The following TDRD9 variants were observed in gnomAD, a reference collection of about 807,000 sequenced individuals.
TDRD9 encodes the protein ATP-dependent RNA helicase TDRD9.
TDRD9 carries 124 observed loss-of-function variants against 172.6 expected under a neutral mutation model. That is an observed-to-expected ratio of 0.72 (90% CI 0.62 to 0.83). The LOEUF (loss-of-function observed/expected upper bound fraction) is 0.83, where lower values mean the gene tolerates loss of function less well. TDRD9 is among the 40% of genes least tolerant of loss of function. The pLI is 0.00. For synonymous variants in TDRD9, 619 were observed against 617.1 expected (o/e 1.00, Z -0.05); for missense variants, 1,479 against 1,714.1 (o/e 0.86, Z 2.42).
At chr14:104,021,688 A>T (rs1239233291) in intron 23 of TDRD9, among the ~76,000 whole-genome samples, 2 of 152,162 alleles carry the variant, frequency 1.3e-5, no homozygotes, top group African/African-American at 4.8e-5. Flanking sequence ...CCATCTCAAA[A>T]AAATAAATAA....
At chr14:103,964,682 G>A (rs940148432) in intron 3 of TDRD9, among the ~76,000 whole-genome samples, 1 of 152,076 alleles carries the variant, frequency 6.6e-6, no homozygotes, top group Non-Finnish European at 1.5e-5. Context: ...GCGCTACCAT[G>A]CCCAGCTAAT....
intron 30 of TDRD9, among the ~76,000 whole-genome samples, chr14:104,032,616 A>C (rs1349112919): frequency 6.6e-6 from 1 of 152,236 alleles, no homozygotes; most frequent in Non-Finnish European, 1.5e-5. Flanking sequence ...AGTATCTTTT[A>C]TCAAAGACTA....
At chr14:104,047,345 C>A (rs1566807984) in intron 34 of TDRD9, among the ~76,000 whole-genome samples, 1 of 151,954 alleles carries the variant, frequency 6.6e-6, no homozygotes, top group South Asian at 2.1e-4. Context: ...CCTTGTTAAA[C>A]TTCTGTATTC....
chr14:104,002,737 T>C (rs201364760), intron 13 of TDRD9, among the ~76,000 whole-genome samples: 13 of 91,618 alleles, frequency 1.4e-4, no homozygotes, highest in South Asian at 6.5e-4. Context: ...CTTTTCTTTT[T>C]TTTTTTTCTT....
chr14:104,009,932 G>GT (rs1383842346), intron 20 of TDRD9, among the ~76,000 whole-genome samples: 1 of 146,792 alleles, frequency 6.8e-6, no homozygotes, highest in Admixed American at 6.8e-5. Context: ...CTCGTAATTT[G>GT]TTTTTTCTTT....
rs367867178 is a variant in TDRD9 at position 104,016,107 on chromosome 14, C to T, written c.2331+19C>T. ...TGTCGTGGTAGGTGCTGGGGGCAGG[C>T]CGTCCTCTCTGGGGTGTGGTGGGGC... On this transcript the variant is annotated intron_variant, in intron 22 of 35. Coordinates refer to ENST00000409874, the MANE Select transcript of TDRD9 (RefSeq NM_153046.3). 19 of 1,546,868 alleles carry T rather than the reference C, an allele frequency of 1.2e-5. No individual in the cohort carries two copies. The highest frequency in any genetic ancestry group is 1.4e-5 in the Non-Finnish European group (16 of 1,132,758).
intron 14 of TDRD9, chr14:104,005,027 A>G: frequency 3.5e-6 from 1 of 283,834 alleles, no homozygotes; most frequent in African/African-American, 2.5e-5. Flanking sequence ...CCCACTTTTC[A>G]GTCCCTCTTT....
chr14:104,012,585 TTTA>T (rs897157468), intron 20 of TDRD9, among the ~76,000 whole-genome samples: 1 of 151,968 alleles, frequency 6.6e-6, no homozygotes, highest in African/African-American at 2.4e-5. Flanking sequence ...GAAATTAGTA[TTTA>T]TTATTAATAA....
intron 9 of TDRD9, among the ~76,000 whole-genome samples, chr14:103,993,966 C>T (rs2033966178): frequency 6.6e-6 from 1 of 152,138 alleles, no homozygotes; most frequent in Admixed American, 6.5e-5. Context: ...ATCCTCATGA[C>T]CAAAACTTTA....
Position 103,928,702 on chromosome 14 carries a change from C to T in TDRD9, c.193C>T (p.Arg65Trp). The T allele has an allele frequency of 1.7e-6, 2 of 1,184,090 alleles. No homozygotes were observed. Among genetic ancestry groups the T allele is most frequent in the Non-Finnish European group, 2.1e-6 (2 of 948,242 alleles). 73.3% of individuals were successfully genotyped at this position (1,184,090 alleles called of 1,614,324 possible). A position where few individuals can be genotyped will look rare whatever the true frequency, so the allele number is the denominator to read the frequency against. Reference protein sequence around the residue: ...QAPALAQAPARPAAAFERSLS... With the variant: ...QAPALAQAPAWPAAAFERSLS... Reference sequence around the variant, plus strand: ...TCCGGCTCTGGCCCAAGCTCCGGCCCGGCCGGCCGCTGCGTTCGAAAGGTA... The same window carrying T: ...TCCGGCTCTGGCCCAAGCTCCGGCCTGGCCGGCCGCTGCGTTCGAAAGGTA... The change falls in exon 1 of 36, where the codon CGG becomes TGG. Residue 65 changes from arginine (R) to tryptophan (W), a missense_variant. This residue lies in a region of TDRD9 where 1,413 missense variants were observed against 1,649.1 expected (regional missense o/e 0.86). Transcript: ENST00000409874.
At position 104,018,154 on chromosome 14, in the gene TDRD9, G is replaced by C; in HGVS notation, c.2394G>C (p.Gln798His). 6.2e-7 allele frequency: 1 copy of C among 1,607,540 alleles called. No homozygotes were observed. The highest frequency in any genetic ancestry group is 8.5e-7 in the Non-Finnish European group (1 of 1,175,802). Residue 798 changes from glutamine (Q) to histidine (H), a missense_variant, in exon 23 of 36, where the codon CAG becomes CAC. Coordinates refer to ENST00000409874, the MANE Select transcript of TDRD9 (RefSeq NM_153046.3). ...YYKQLQSLFR[Q>H]CGQVKSIVFD... Reference sequence around the variant, plus strand: ...AACAACTACAGTCTCTCTTTAGACAGTGTGGTCAAGTCAAATCCATTGTAT... The same window carrying C: ...AACAACTACAGTCTCTCTTTAGACACTGTGGTCAAGTCAAATCCATTGTAT...
intron 5 of TDRD9, among the ~76,000 whole-genome samples, chr14:103,968,346 C>G (rs903973507): frequency 1.3e-5 from 2 of 152,188 alleles, no homozygotes; most frequent in Non-Finnish European, 2.9e-5. Context: ...GGACTGGATT[C>G]AACTACCTGA....
intron 13 of TDRD9, among the ~76,000 whole-genome samples, chr14:103,999,507 A>G (rs1477743326): frequency 1.3e-5 from 2 of 152,102 alleles, no homozygotes; most frequent in Non-Finnish European, 2.9e-5. Flanking sequence ...GGGTCTTGGG[A>G]TGCTTCAACT....
Position 104,049,657 on chromosome 14 carries a change from GA to G in TDRD9, c.4028del (p.Lys1343SerfsTer82). ...GGAGAAGATTGTTCCCAAGTGGCAT[GA>G]AAAGCCCTACGAGTGGAATCAGGTG... ...PREKIVPKWH[E>X]KPYEWNQVDP... On this transcript the variant is annotated frameshift_variant, in exon 35 of 36. Coordinates refer to ENST00000409874, the MANE Select transcript of TDRD9 (RefSeq NM_153046.3). LOFTEE classifies it high-confidence loss of function. The G allele has an allele frequency of 6.3e-7, 1 of 1,591,046 alleles. No individual in the cohort carries two copies.
intron 1 of TDRD9, among the ~76,000 whole-genome samples, chr14:103,952,515 A>G (rs147320342): frequency 2.6e-5 from 4 of 151,276 alleles, no homozygotes; most frequent in Non-Finnish European, 5.9e-5. Flanking sequence ...TGCTGGGATT[A>G]CAGGCATGAG....
At position 103,994,598 on chromosome 14, in the gene TDRD9, A is replaced by C. The variant is rs768374091; in HGVS notation, c.1315A>C (p.Arg439=). The C allele has an allele frequency of 3.1e-6, 5 of 1,612,628 alleles. No individual in the cohort carries two copies. The highest frequency in any genetic ancestry group is 4.2e-6 in the Non-Finnish European group (5 of 1,179,094). ...CTTTTTAAGTCCAGTCCCTGGGTAC[A>C]GAAAGGTAGGAAAACTGGGAAGACA... ...NVFLSPVPGY[R]KIILSTNIAE... is the part of the protein sequence containing the mutation. The change falls in exon 11 of 36, where the codon AGA becomes CGA. Residue 439 remains arginine (R), a synonymous_variant. Coordinates refer to ENST00000409874, the MANE Select transcript of TDRD9 (RefSeq NM_153046.3).
rs1461830800 is a variant in TDRD9, at chr14:104,031,148, T to C, written c.3323T>C (p.Val1108Ala). The C allele has an allele frequency of 2.6e-6, 4 of 1,551,560 alleles. No homozygotes were observed. The Admixed American group carries it at 5.9e-5, about 23-fold the overall frequency. Reference sequence around the variant, plus strand: ...CTCAAGGGCCTCTTTTCCAAGTCAGTAGAAAACATGACAGATGGCTCTGTG... The same window carrying C: ...CTCAAGGGCCTCTTTTCCAAGTCAGCAGAAAACATGACAGATGGCTCTGTG... ...EVLKGLFSKS[V>A]ENMTDGSVPF... The change falls in exon 29 of 36, where the codon GTA (valine) becomes GCA (alanine). Residue 1108 changes from valine to alanine, a missense_variant. Val to Ala is a moderately conservative substitution (Grantham distance 64, BLOSUM62 0). Coordinates refer to ENST00000409874, the MANE Select transcript of TDRD9 (RefSeq NM_153046.3).
intron 1 of TDRD9, among the ~76,000 whole-genome samples, chr14:103,933,206 A>T (rs2030519817): frequency 6.6e-6 from 1 of 152,302 alleles, no homozygotes; most frequent in East Asian, 1.9e-4. Flanking sequence ...GCATATGAAG[A>T]AGAAAACCTC....
intron 2 of TDRD9, among the ~76,000 whole-genome samples, chr14:103,962,177 G>A (rs1023161885): frequency 6.6e-6 from 1 of 152,152 alleles, no homozygotes; most frequent in African/African-American, 2.4e-5. Context: ...CCTGAGCAGA[G>A]GCAAGCTGCC....
Sources: gnomAD v4.1 joint callset for allele counts (sites outside exome capture counted in the v4.1 genomes callset) on GRCh38, gnomAD v4.1.1 for gene constraint, gnomAD v4.1.1 regional missense constraint, MANE v1.5 for transcripts, NCBI Gene and HGNC (gene_info 2026-07-23, HGNC 2026-07-21) for gene names.